EHMT1: variants seen among roughly 807,000 people sequenced by gnomAD.
EHMT1 encodes euchromatic histone lysine methyltransferase 1.
Under a neutral mutation model 147.2 loss-of-function variants are expected in EHMT1, and 15 were observed. The observed-to-expected ratio is 0.10, with a 90% CI of 0.07 to 0.16. The LOEUF is 0.16. EHMT1 is among the 10% of genes least tolerant of loss of function. The pLI, the probability that EHMT1 is intolerant of heterozygous loss-of-function variation, is 1.00. For missense variants in EHMT1, 1,587 were observed against 1,772.4 expected (o/e 0.90, Z 1.88); for synonymous variants, 795 against 709.6 (o/e 1.12, Z -1.91).
At chr9:137,816,458 CAG>C in intron 23 of EHMT1, 17 of 341,044 alleles carry the variant, frequency 5.0e-5, no homozygotes, top group Admixed American at 1.2e-4. Context: ...GCTTCCCTAA[CAG>C]TGAGGTGATG....
At chr9:137,690,034 A>C (rs1942800117) in intron 1 of EHMT1, among the ~76,000 whole-genome samples, 1 of 152,190 alleles carries the variant, frequency 6.6e-6, no homozygotes, top group African/African-American at 2.4e-5. Context: ...AAGCCACTAG[A>C]ATGTTTTAAA....
At chr9:137,817,745 G>T in intron 24 of EHMT1, 1 of 651,592 alleles carries the variant, frequency 1.5e-6, no homozygotes, top group Non-Finnish European at 2.7e-6. Flanking sequence ...ATTTAAGAAG[G>T]CGTGGTCCAG....
chr9:137,691,366 CAG>C (rs1318961363), intron 1 of EHMT1, among the ~76,000 whole-genome samples: 8 of 148,048 alleles, frequency 5.4e-5, no homozygotes, highest in African/African-American at 2.0e-4. Context: ...TTTGTAGAGA[CAG>C]AGTTTCTCTG....
intron 1 of EHMT1, among the ~76,000 whole-genome samples, chr9:137,670,174 C>G (rs927103072): frequency 1.3e-5 from 2 of 152,142 alleles, no homozygotes; most frequent in Admixed American, 1.3e-4. Context: ...AAAAGCTTTT[C>G]TTGATCCTGC....
At position 137,834,886 on chromosome 9, in the gene EHMT1, CGGCCCAGGA is replaced by C. The variant is rs751283937; in HGVS notation, c.3842_3850del (p.Ala1281_Glu1283del). ...GCCCTGGCCCAGCGTCAGGCCAGCG[CGGCCCAGGA>C]GGCCCAGGAGGACGGCTTGCCCGAC... On this transcript the variant is annotated inframe_deletion, in exon 27 of 27. Transcript: ENST00000460843. 10 of 1,607,826 alleles carry C rather than the reference CGGCCCAGGA, an allele frequency of 6.2e-6. No homozygotes were observed. Among genetic ancestry groups the C allele is most frequent in the African/African-American group, 4.0e-5 (3 of 74,764 alleles).
At chr9:137,777,851 A>G (rs1951077458) in intron 12 of EHMT1, 31 bp from the exon 13 acceptor site, 2 of 1,611,004 alleles carry the variant, frequency 1.2e-6, no homozygotes, top group East Asian at 2.2e-5. Context: ...TCGTGTTTTC[A>G]TAAACCTTTC....
At chr9:137,726,152 T>G (rs1249904480) in intron 3 of EHMT1, among the ~76,000 whole-genome samples, 1 of 152,180 alleles carries the variant, frequency 6.6e-6, no homozygotes, top group East Asian at 1.9e-4. Context: ...TTAACCATTT[T>G]TAAGTAAACA....
Position 137,704,022 on chromosome 9 carries a change from G to A in EHMT1, c.22-6945G>A, listed in dbSNP as rs557406218. ...CATGGCGGGAGGGCAAAGGGGAAGC[G>A]AGCACATCTTACCTGGCCATAAGGA... On this transcript the variant is annotated intron_variant, in intron 1 of 26. Transcript: ENST00000460843. Among the ~76,000 whole-genome samples the A allele has an allele frequency of 9.2e-5, 14 of 152,208 alleles. No homozygotes were observed. The East Asian group carries it at 1.2e-3, about 13-fold the overall frequency.
At position 137,619,011 on chromosome 9, in the gene EHMT1, A is replaced by G; in HGVS notation, c.-18A>G. On this transcript the variant is annotated 5_prime_UTR_variant, in exon 1 of 27. Transcript: ENST00000460843. ...GATGGCGCGCGGGAGGGGCGGGGCC[A>G]CGCTGCGGGCCCGGGCCATGGCCGC... The G allele has an allele frequency of 3.1e-6, 3 of 971,310 alleles. No homozygotes were observed. Among genetic ancestry groups the G allele is most frequent in the Non-Finnish European group, 2.4e-6 (2 of 818,852 alleles). The allele number at this position is 971,310 out of a possible 1,614,324, so 60.2% of individuals were successfully genotyped here.
chr9:137,667,780 G>A (rs867303035), intron 1 of EHMT1, among the ~76,000 whole-genome samples: 1 of 152,152 alleles, frequency 6.6e-6, no homozygotes, highest in East Asian at 1.9e-4. Context: ...AGAGAACTCG[G>A]GGAGGAAAAC....
At chr9:137,760,825 C>T (rs908960188) in intron 9 of EHMT1, among the ~76,000 whole-genome samples, 6 of 152,110 alleles carry the variant, frequency 3.9e-5, no homozygotes, top group South Asian at 2.1e-4. Context: ...CTGGCTAACA[C>T]AGTGAAACCC....
At chr9:137,636,068 C>T (rs1844051679) in intron 1 of EHMT1, among the ~76,000 whole-genome samples, 1 of 151,510 alleles carries the variant, frequency 6.6e-6, no homozygotes, top group Non-Finnish European at 1.5e-5. Context: ...ATTACAGGTG[C>T]ATGCCACCAC....
rs369390675 is a variant in EHMT1, at chr9:137,661,510, G to A, written c.21+42461G>A. ...TCTTTTTTTTTTTTTTTTTTGAGAT[G>A]GAGTCTTGCTCTGTTGACAGGCTGG... On this transcript the variant is annotated intron_variant, in intron 1 of 26. Coordinates refer to ENST00000460843, the MANE Select transcript of EHMT1 (RefSeq NM_024757.5). 2.9e-3 allele frequency among the ~76,000 whole-genome samples: 375 copies of A among 130,736 alleles called. 2 individuals are homozygous for A. Among genetic ancestry groups the A allele is most frequent in the African/African-American group, 9.8e-3 (334 of 34,178 alleles). The allele number at this position is 130,736 out of a possible 152,430, so 85.8% of individuals were successfully genotyped here.
rs1426431855 is a variant in EHMT1 at position 137,619,141 on chromosome 9, G to A, written c.21+92G>A. On this transcript the variant is annotated intron_variant, in intron 1 of 26. Coordinates refer to ENST00000460843, the MANE Select transcript of EHMT1 (RefSeq NM_024757.5). Reference sequence around the variant, plus strand: ...GAAGAACCGGGCGGGGCGGCGGCAGGCGGCCGGCGGGCGGGCGGGGCCCCG... The same window carrying A: ...GAAGAACCGGGCGGGGCGGCGGCAGACGGCCGGCGGGCGGGCGGGGCCCCG... The A allele has an allele frequency of 2.1e-5, 7 of 336,324 alleles. No homozygotes were observed. The Admixed American group carries it at 3.4e-4, about 16-fold the overall frequency. The allele number at this position is 336,324 out of a possible 1,614,324, so 20.8% of individuals were successfully genotyped here. A position where few individuals can be genotyped will look rare whatever the true frequency, so the allele number is the denominator to read the frequency against.
At chr9:137,781,652 G>T (rs572739585) in intron 14 of EHMT1, among the ~76,000 whole-genome samples, 2 of 152,282 alleles carry the variant, frequency 1.3e-5, no homozygotes, top group Admixed American at 6.5e-5. Flanking sequence ...TGATAATTTG[G>T]TCTCTGAGCT....
chr9:137,624,410 G>A lies in EHMT1; in HGVS notation c.21+5361G>A, dbSNP rs146264351. The stretch of plus-strand genomic sequence containing the variant: ...GATCTTGTCTTTCTGCAACCTGCCC[G>A]GTTCAGGCAATTCTCCTGCCTCAGC... On this transcript the variant is annotated intron_variant, in intron 1 of 26. Transcript: ENST00000460843. Among the ~76,000 whole-genome samples, 23 of 150,708 alleles carry A rather than the reference G, an allele frequency of 1.5e-4. No homozygotes were observed. The East Asian group carries it at 4.4e-3, about 29-fold the overall frequency.
In EHMT1 at chr9:137,731,565, A is replaced by G. The variant is rs1326707407; in HGVS notation, c.823+3036A>G. ...ACAAAGGCCTTTTACAACAGTGTCC[A>G]TACAGAGCAGGAATCGGGGTACGTC... On this transcript the variant is annotated intron_variant, in intron 4 of 26. Transcript: ENST00000460843. This position sits in a 1 kb window ranked among gnomAD's most constrained non-coding sequence, Gnocchi z 4.3. Among the ~76,000 whole-genome samples the G allele has an allele frequency of 6.6e-6, 1 of 152,212 alleles. No homozygotes were observed. The highest frequency in any genetic ancestry group is 2.4e-5 in the African/African-American group (1 of 41,456).
At chr9:137,654,007 A>G (rs372701479) in intron 1 of EHMT1, among the ~76,000 whole-genome samples, 5 of 152,160 alleles carry the variant, frequency 3.3e-5, no homozygotes, top group South Asian at 2.1e-4. Flanking sequence ...GCTTTCGCAT[A>G]TGGCTCTCCC....
At chr9:137,703,020 A>G (rs976338175) in intron 1 of EHMT1, among the ~76,000 whole-genome samples, 3 of 152,346 alleles carry the variant, frequency 2.0e-5, no homozygotes, top group African/African-American at 7.2e-5. Context: ...TGCTGGGTTA[A>G]CACCATGTAG....
Sources: allele counts gnomAD v4.1 joint callset (sites outside exome capture counted in the v4.1 genomes callset), GRCh38; gene constraint gnomAD v4.1.1; non-coding constraint Gnocchi (gnomAD v3.1); transcripts MANE v1.5; gene names NCBI Gene and HGNC (gene_info 2026-07-23, HGNC 2026-07-21).